Variants in MYT1L observed in about 807,000 individuals in gnomAD.
The protein encoded by MYT1L is myelin transcription factor 1-like protein.
In MYT1L, 12 loss-of-function variants were observed where a neutral mutation model predicts 126.7. The ratio of observed to expected loss-of-function variants is 0.09; its 90% confidence interval spans 0.06 to 0.15. The LOEUF is 0.15. Among genes scored for constraint, MYT1L ranks in the 10% least tolerant of loss-of-function variants. The pLI, the probability that MYT1L is intolerant of heterozygous loss-of-function variation, is 1.00. For synonymous variants in MYT1L, 541 were observed against 604.2 expected (o/e 0.90, Z 1.53); for missense variants, 979 against 1,585.2 (o/e 0.62, Z 6.49).
chr2:1,871,684 A>G (rs1168556139), intron 18 of MYT1L, among the ~76,000 whole-genome samples: 3 of 152,124 alleles, frequency 2.0e-5, no homozygotes, highest in Non-Finnish European at 4.4e-5. Flanking sequence ...CTCTCAGGCC[A>G]CCTCAGTCCT....
At chr2:2,095,199 T>G (rs1254181365) in intron 3 of MYT1L, among the ~76,000 whole-genome samples, 1 of 152,206 alleles carries the variant, frequency 6.6e-6, no homozygotes, top group Non-Finnish European at 1.5e-5. Context: ...GGGCTGAGTT[T>G]CCCGTTAGTC....
At chr2:2,313,093 AT>A (rs2096002290) in intron 1 of MYT1L, among the ~76,000 whole-genome samples, 1 of 152,194 alleles carries the variant, frequency 6.6e-6, no homozygotes, top group Non-Finnish European at 1.5e-5. Flanking sequence ...TCTTTTCAGA[AT>A]ATATATGACT....
intron 4 of MYT1L, among the ~76,000 whole-genome samples, chr2:2,012,754 G>A (rs1046164632): frequency 6.6e-6 from 1 of 152,194 alleles, no homozygotes; most frequent in Non-Finnish European, 1.5e-5. Context: ...CGTCCACACC[G>A]CACACCCTAC....
chr2:2,246,046 TTC>T (rs2094528235), intron 2 of MYT1L, among the ~76,000 whole-genome samples: 1 of 152,178 alleles, frequency 6.6e-6, no homozygotes, highest in Non-Finnish European at 1.5e-5. Flanking sequence ...CAAATTTGCA[TTC>T]TTTCAACCAC....
chr2:1,994,340 G>A (rs1055474473), intron 5 of MYT1L, among the ~76,000 whole-genome samples: 6 of 149,040 alleles, frequency 4.0e-5, no homozygotes, highest in African/African-American at 1.5e-4. Flanking sequence ...TCCTCCCAGC[G>A]AGTCCTCCTG....
At chr2:2,261,123 G>A (rs749813060) in intron 2 of MYT1L, among the ~76,000 whole-genome samples, 1 of 146,866 alleles carries the variant, frequency 6.8e-6, no homozygotes, top group South Asian at 2.2e-4. Flanking sequence ...CCCTGCTGGG[G>A]TGCATGTGTG....
At chr2:2,090,168 T>C (rs2076766445) in intron 3 of MYT1L, among the ~76,000 whole-genome samples, 1 of 152,232 alleles carries the variant, frequency 6.6e-6, no homozygotes, top group Non-Finnish European at 1.5e-5. Context: ...GTTAGTTTCC[T>C]GAGATGCTCT....
chr2:1,803,491 T>C (rs1486308226), intron 22 of MYT1L, among the ~76,000 whole-genome samples: 1 of 152,240 alleles, frequency 6.6e-6, no homozygotes, highest in East Asian at 1.9e-4. Flanking sequence ...CAGGCTTTGT[T>C]ATCTAATTGA....
At chr2:2,269,048 T>C (rs79663562) in intron 2 of MYT1L, among the ~76,000 whole-genome samples, 11,253 of 151,834 alleles carry the variant, frequency 0.074, 967 homozygotes, top group East Asian at 0.49. Context: ...TTCTCTTCCA[T>C]CAGCCCAGTC....
chr2:1,938,060 A>G (rs1277493567), intron 9 of MYT1L, among the ~76,000 whole-genome samples: 2 of 152,226 alleles, frequency 1.3e-5, no homozygotes, highest in Non-Finnish European at 2.9e-5. Context: ...CAGAGCATTT[A>G]AAGCAACATC....
Position 2,329,639 on chromosome 2 carries a change from TAAC to T in MYT1L, c.-521+1325_-521+1327del, listed in dbSNP as rs2096272979. Among the ~76,000 whole-genome samples, 3 of 152,334 alleles carry T rather than the reference TAAC, an allele frequency of 2.0e-5. No homozygotes were observed. In the South Asian group the frequency reaches 6.2e-4, roughly 32 times the overall value. ...GCTGATTAAAAGCAGAAGGATTATA[TAAC>T]AACTGTTATTGTTTATGAAAAGTGT... On this transcript the variant is annotated intron_variant, in intron 1 of 24. Transcript: ENST00000647738.
intron 2 of MYT1L, among the ~76,000 whole-genome samples, chr2:2,194,430 T>C (rs190386021): frequency 8.3e-4 from 127 of 152,338 alleles, no homozygotes; most frequent in African/African-American, 3.0e-3. Flanking sequence ...CAAGAGCTTT[T>C]GTATGATATT....
intron 3 of MYT1L, among the ~76,000 whole-genome samples, chr2:2,170,807 G>C (rs1370589405): frequency 6.6e-6 from 1 of 152,150 alleles, no homozygotes; most frequent in African/African-American, 2.4e-5. Context: ...GAGGCTCTAT[G>C]TCTGCGCCCT....
chr2:1,884,580 T>A (rs775829032), intron 18 of MYT1L, among the ~76,000 whole-genome samples: 15 of 152,254 alleles, frequency 9.9e-5, no homozygotes, highest in Non-Finnish European at 7.3e-5. Flanking sequence ...TTATAGAAGA[T>A]GCTTGATTGA....
chr2:2,131,108 C>T (rs2082303024), intron 3 of MYT1L, among the ~76,000 whole-genome samples: 1 of 152,090 alleles, frequency 6.6e-6, no homozygotes, highest in Non-Finnish European at 1.5e-5. Flanking sequence ...AGCAGCTGTC[C>T]CTGGGGAAAG....
rs531152699 is a variant in MYT1L at position 2,173,576 on chromosome 2, T to C, written c.-420-588A>G. ...AATGTTATCTCAGTATTAGAAACCATTGACTGTTTTAATTTGAAGAAGAAA... is the reference window on the plus strand; with the variant it reads ...AATGTTATCTCAGTATTAGAAACCACTGACTGTTTTAATTTGAAGAAGAAA... On this transcript the variant is annotated intron_variant, in intron 2 of 24. Transcript: ENST00000647738. Among the ~76,000 whole-genome samples, 13 of 152,342 alleles carry C rather than the reference T, an allele frequency of 8.5e-5. No individual in the cohort carries two copies. In the East Asian group the frequency reaches 1.4e-3, roughly 16 times the overall value.
intron 18 of MYT1L, among the ~76,000 whole-genome samples, chr2:1,881,789 G>C (rs1039326682): frequency 2.0e-5 from 3 of 152,118 alleles, no homozygotes; most frequent in Non-Finnish European, 4.4e-5. Flanking sequence ...TAAATTCTCT[G>C]TGTGTGTGTG....
At chr2:1,812,479 G>C (rs955361646) in intron 21 of MYT1L, among the ~76,000 whole-genome samples, 1 of 152,220 alleles carries the variant, frequency 6.6e-6, no homozygotes, top group Admixed American at 6.5e-5. Context: ...TGATGGCTCA[G>C]TGAGTGGAGG....
intron 8 of MYT1L, among the ~76,000 whole-genome samples, chr2:1,957,047 T>C (rs1346768138): frequency 6.6e-6 from 1 of 152,208 alleles, no homozygotes; most frequent in Non-Finnish European, 1.5e-5. Context: ...GGGACACTGG[T>C]TGTGCCCAGT....
Sources: allele counts gnomAD v4.1 joint callset (sites outside exome capture counted in the v4.1 genomes callset), GRCh38; gene constraint gnomAD v4.1.1; transcripts MANE v1.5; gene names NCBI Gene and HGNC (gene_info 2026-07-23, HGNC 2026-07-21).